The following ZRSR2 variants were observed in gnomAD, a reference collection of about 807,000 sequenced individuals.
ZRSR2 encodes zinc finger CCCH-type, RNA binding motif and serine/arginine rich 2.
ZRSR2 carries 3 observed loss-of-function variants against 39.4 expected under a neutral mutation model. The ratio of observed to expected loss-of-function variants is 0.08; its 90% CI spans 0.03 to 0.20. ZRSR2 has a LOEUF of 0.20. Among genes scored for constraint, ZRSR2 ranks in the 10% least tolerant of loss-of-function variants. The pLI, the probability that ZRSR2 is intolerant of heterozygous loss-of-function variation, is 1.00. For synonymous variants in ZRSR2, 137 were observed against 136.0 expected (o/e 1.01, Z -0.05); for missense variants, 256 against 391.5 (o/e 0.65, Z 2.92).
chrX:15,790,849 C>T (rs1322218507), intron 1 of ZRSR2, 85 bp from the exon 2 acceptor site: 1 of 944,678 alleles, frequency 1.1e-6, no homozygotes, highest in African/African-American at 1.9e-5. Flanking sequence ...GAACTATTTC[C>T]TTTCATTGGG....
At chrX:15,792,147 G>A (rs778975899) in intron 2 of ZRSR2, among the ~76,000 whole-genome samples, 2 of 111,988 alleles carry the variant, frequency 1.8e-5, no homozygotes, top group Middle Eastern at 4.6e-3. Flanking sequence ...TGGGCTGGGC[G>A]CGTGGTGGCT....
intron 5 of ZRSR2, among the ~76,000 whole-genome samples, chrX:15,805,482 AT>A (rs1932770760): frequency 8.9e-6 from 1 of 112,251 alleles, no homozygotes; most frequent in Non-Finnish European, 1.9e-5. Context: ...AATCAGCAGT[AT>A]GTGTTCCTGC....
chrX:15,798,272 C>G (rs181248392), intron 2 of ZRSR2, among the ~76,000 whole-genome samples: 2 of 112,088 alleles, frequency 1.8e-5, no homozygotes, highest in East Asian at 5.6e-4. Context: ...CATTTCTCTT[C>G]CACTTTCACT....
Position 15,822,723 on chromosome X carries a change from C to G in ZRSR2, c.938-8C>G. 1 of 1,212,128 alleles carries G rather than the reference C, an allele frequency of 8.2e-7. No individual in the cohort carries two copies. The highest frequency in any genetic ancestry group is 1.1e-6 in the Non-Finnish European group (1 of 895,471). ...GATAAGTGCTGTTTCATCACTGTGC[C>G]ATTGCAGGTTTATTTGAAATACAAC... On this transcript the variant is annotated splice_polypyrimidine_tract_variant and splice_region_variant and intron_variant, in intron 10 of 10. Transcript: ENST00000307771.
At chrX:15,795,413 C>A (rs920478801) in intron 2 of ZRSR2, among the ~76,000 whole-genome samples, 4 of 111,136 alleles carry the variant, frequency 3.6e-5, no homozygotes, top group Non-Finnish European at 7.5e-5. Flanking sequence ...TGTTTGGGGG[C>A]AAGTAGACCA....
At chrX:15,813,468 C>T (rs1428312187) in intron 7 of ZRSR2, among the ~76,000 whole-genome samples, 2 of 112,178 alleles carry the variant, frequency 1.8e-5, no homozygotes, top group African/African-American at 6.5e-5. Flanking sequence ...TCGTAAATGT[C>T]ACTTCTCTTA....
intron 5 of ZRSR2, among the ~76,000 whole-genome samples, chrX:15,807,521 C>T: frequency 9.3e-6 from 1 of 108,028 alleles, no homozygotes; most frequent in Middle Eastern, 4.8e-3. Context: ...AACTCCTGAC[C>T]TCAAGTGATC....
chrX:15,803,243 A>G (rs1282278905), intron 3 of ZRSR2, among the ~76,000 whole-genome samples: 3 of 110,251 alleles, frequency 2.7e-5, no homozygotes, highest in Non-Finnish European at 5.7e-5. Context: ...AGCCTGGGCA[A>G]CAGAGTAATA....
chrX:15,807,163 C>T (rs147438146), intron 5 of ZRSR2, among the ~76,000 whole-genome samples: 94 of 112,205 alleles, frequency 8.4e-4, no homozygotes, highest in Non-Finnish European at 1.4e-3. Context: ...TGCAGAACCT[C>T]CTTTGCCTTA....
chrX:15,795,408 G>C (rs1932420266), intron 2 of ZRSR2, among the ~76,000 whole-genome samples: 1 of 111,110 alleles, frequency 9.0e-6, no homozygotes, highest in Non-Finnish European at 1.9e-5. Flanking sequence ...CATTGTGTTT[G>C]GGGGCAAGTA....
Position 15,822,801 on chromosome X carries a change from C to A in ZRSR2, c.1008C>A (p.Asn336Lys). ...TTCTTCATGTGTTCAGAAATCCCAACAATGAATTCTGGGAAGCTAATAGAG... is the reference window on the plus strand; with the variant it reads ...TTCTTCATGTGTTCAGAAATCCCAAAAATGAATTCTGGGAAGCTAATAGAG... ...CNFLHVFRNP[N>K]NEFWEANRDI... The change falls in exon 11 of 11, where the codon AAC becomes AAA. Residue 336 changes from asparagine to lysine, a missense_variant. Asn to Lys is a moderately conservative substitution (Grantham distance 94, BLOSUM62 0). Coordinates refer to ENST00000307771, the MANE Select transcript of ZRSR2 (RefSeq NM_005089.4). The A allele has an allele frequency of 8.2e-7, 1 of 1,212,359 alleles. No homozygotes were observed. Among genetic ancestry groups the A allele is most frequent in the Non-Finnish European group, 1.1e-6 (1 of 895,672 alleles).
At position 15,790,838 on chromosome X, in the gene ZRSR2, C is replaced by T. The variant is rs113538856; in HGVS notation, c.42-96C>T. The T allele has an allele frequency of 7.4e-3, 6,410 of 870,213 alleles. 208 individuals carry two copies. In the African/African-American group the frequency reaches 0.1, roughly 14 times the overall value. 71.7% of individuals were successfully genotyped at this position (870,213 alleles called of 1,213,427 possible). Reference sequence around the variant, plus strand: ...AAGCAAGGTTTCTCTCCTCAGCACCCGAACTATTTCCTTTCATTGGGCACA... The same window carrying T: ...AAGCAAGGTTTCTCTCCTCAGCACCTGAACTATTTCCTTTCATTGGGCACA... On this transcript the variant is annotated intron_variant, in intron 1 of 10. Coordinates refer to ENST00000307771, the MANE Select transcript of ZRSR2 (RefSeq NM_005089.4).
intron 1 of ZRSR2, 42 bp downstream of exon 1, chrX:15,790,578 C>T: frequency 8.7e-7 from 1 of 1,152,612 alleles, no homozygotes; most frequent in Non-Finnish European, 1.2e-6. Flanking sequence ...GCGGGCCGAT[C>T]GTGGGCATGG....
At chrX:15,791,118 G>C (rs1932262105) in intron 2 of ZRSR2, 105 bp downstream of exon 2, 2 of 706,540 alleles carry the variant, frequency 2.8e-6, no homozygotes, top group African/African-American at 2.2e-5. Context: ...TTGTGTCGGA[G>C]GAAAAATAGC....
Position 15,815,895 on chromosome X carries a change from G to T in ZRSR2, c.771+5G>T. ...GGGAAAGTGATTCAGTTCAAGGTGG[G>T]CATGCGTGTGGAGGAGGGGACTGGT... On this transcript the variant is annotated splice_donor_5th_base_variant and intron_variant, in intron 8 of 10. Transcript: ENST00000307771. 1 of 1,194,446 alleles carries T rather than the reference G, an allele frequency of 8.4e-7. No homozygotes were observed.
intron 2 of ZRSR2, among the ~76,000 whole-genome samples, chrX:15,791,802 G>A (rs1280794738): frequency 3.6e-5 from 4 of 110,322 alleles, no homozygotes; most frequent in South Asian, 7.6e-4. Flanking sequence ...GATTACAGGC[G>A]TGCGCAACCA....
chrX:15,811,591 AT>A (rs908025510), intron 7 of ZRSR2, among the ~76,000 whole-genome samples: 5 of 111,404 alleles, frequency 4.5e-5, no homozygotes, highest in Admixed American at 1.9e-4. Context: ...CACCTGGCTA[AT>A]TTTTTTTGTA....
At chrX:15,794,646 G>T (rs1932389819) in intron 2 of ZRSR2, among the ~76,000 whole-genome samples, 1 of 111,576 alleles carries the variant, frequency 9.0e-6, no homozygotes, top group South Asian at 3.7e-4. Flanking sequence ...ATTTGGTCTT[G>T]CTCTCTTGGG....
In ZRSR2 at chrX:15,822,820, A is replaced by G. The variant is rs769316844; in HGVS notation, c.1027A>G (p.Asn343Asp). ...RNPNNEFWEA[N>D]RDIYLSPDRT... Reference sequence around the variant, plus strand: ...TCCCAACAATGAATTCTGGGAAGCTAATAGAGACATCTACTTGTCTCCAGA... The same window carrying G: ...TCCCAACAATGAATTCTGGGAAGCTGATAGAGACATCTACTTGTCTCCAGA... The change falls in exon 11 of 11, where the codon AAT (asparagine) becomes GAT (aspartate). Residue 343 changes from asparagine (N) to aspartate (D), a missense_variant. Transcript: ENST00000307771. 1.6e-6 allele frequency: 2 copies of G among 1,212,356 alleles called. No individual in the cohort carries two copies. The highest frequency in any genetic ancestry group is 5.9e-5 in the East Asian group (2 of 33,859).
Sources: allele counts gnomAD v4.1 joint callset (sites outside exome capture counted in the v4.1 genomes callset), GRCh38; gene constraint gnomAD v4.1.1; transcripts MANE v1.5; gene names NCBI Gene and HGNC (gene_info 2026-07-23, HGNC 2026-07-21).